Variants in SOX5 observed in about 807,000 individuals in gnomAD.
SOX5 encodes transcription factor SOX-5.
A neutral mutation model predicts 92.0 loss-of-function variants in SOX5; 9 were observed. That is an observed-to-expected ratio of 0.10 (90% CI 0.06 to 0.17). SOX5 has a LOEUF of 0.17. SOX5 is among the 10% of genes least tolerant of loss of function. The pLI, the probability that SOX5 is intolerant of heterozygous loss-of-function variation, is 1.00. For synonymous variants in SOX5, 344 were observed against 336.3 expected, an observed-to-expected ratio of 1.02 and a Z score of -0.25; for missense variants, 642 against 944.5, an observed-to-expected ratio of 0.68 and a Z score of 4.20.
At chr12:23,809,178 G>A (rs2095832800) in intron 3 of SOX5, among the ~76,000 whole-genome samples, 1 of 152,064 alleles carries the variant, frequency 6.6e-6, no homozygotes, top group African/African-American at 2.4e-5. Flanking sequence ...TATATGCACA[G>A]AACATCTCTG....
intron 2 of SOX5, among the ~76,000 whole-genome samples, chr12:24,351,191 A>G (rs908574268): frequency 2.0e-5 from 3 of 152,204 alleles, no homozygotes; most frequent in African/African-American, 7.2e-5. Context: ...TTTACATACC[A>G]TCTATCTACT....
At chr12:24,316,530 T>A (rs1235550033) in intron 2 of SOX5, among the ~76,000 whole-genome samples, 3 of 152,170 alleles carry the variant, frequency 2.0e-5, no homozygotes, top group African/African-American at 7.2e-5. Flanking sequence ...ATTGGAATTC[T>A]CTCTCTGGGC....
At chr12:24,120,999 C>T (rs1042833349) in intron 4 of SOX5, among the ~76,000 whole-genome samples, 27 of 152,212 alleles carry the variant, frequency 1.8e-4, no homozygotes, top group Middle Eastern at 3.4e-3. Flanking sequence ...TTATCCCTTC[C>T]GTGGGGTCTG....
chr12:23,979,911 G>GACAGACAGACAGACAGACAGACAGACA (rs1569372459), intron 4 of SOX5, among the ~76,000 whole-genome samples: 2 of 119,448 alleles, frequency 1.7e-5, no homozygotes, highest in African/African-American at 3.3e-5. Context: ...CTGGCTGGCT[G>GACAGACAGACAGACAGACAGACAGACA]GCCAGACAGA....
At chr12:23,897,894 T>G (rs1048571125) in intron 1 of SOX5, among the ~76,000 whole-genome samples, 1 of 152,182 alleles carries the variant, frequency 6.6e-6, no homozygotes, top group Non-Finnish European at 1.5e-5. Flanking sequence ...GGATACCACA[T>G]TTCAAGTAAT....
chr12:23,871,373 A>G (rs2096870526), intron 2 of SOX5, among the ~76,000 whole-genome samples: 1 of 152,214 alleles, frequency 6.6e-6, no homozygotes, highest in Non-Finnish European at 1.5e-5. Context: ...CAGTTGTTCA[A>G]TATCAATTCA....
chr12:23,653,623 C>A (rs755243060), intron 7 of SOX5, among the ~76,000 whole-genome samples: 15 of 152,044 alleles, frequency 9.9e-5, no homozygotes, highest in Non-Finnish European at 1.9e-4. Flanking sequence ...AGGGCACCAG[C>A]AAATTCTGGG....
chr12:23,968,502 C>A (rs1025761569), intron 4 of SOX5, among the ~76,000 whole-genome samples: 2 of 152,156 alleles, frequency 1.3e-5, no homozygotes, highest in African/African-American at 4.8e-5. Context: ...TTTGTTATCA[C>A]GGGAGTGGGT....
intron 1 of SOX5, among the ~76,000 whole-genome samples, chr12:24,539,705 C>A (rs892685314): frequency 2.0e-5 from 3 of 152,114 alleles, no homozygotes; most frequent in African/African-American, 7.2e-5. Flanking sequence ...CCTTAATTTC[C>A]TACATATTTA....
At chr12:23,820,614 A>G (rs535079924) in intron 3 of SOX5, among the ~76,000 whole-genome samples, 1 of 152,318 alleles carries the variant, frequency 6.6e-6, no homozygotes, top group South Asian at 2.1e-4. Flanking sequence ...AGTATAGGGA[A>G]GGGGTCCAAT....
Position 24,069,697 on chromosome 12 carries a change from T to G in SOX5, c.-2+143646A>C, listed in dbSNP as rs542995601. Among the ~76,000 whole-genome samples the G allele has an allele frequency of 7.2e-5, 11 of 152,330 alleles. No homozygotes were observed. The East Asian group carries it at 2.1e-3, about 29-fold the overall frequency. On this transcript the variant is annotated intron_variant, in intron 4 of 4. Coordinates refer to the SOX5 transcript ENST00000446891. ...CATTTTTGGCAGCAGGGAGAACTTC[T>G]AGCATCCTAATGCTTTTACAAGGCT...
chr12:24,264,667 A>G (rs972367427), intron 3 of SOX5, among the ~76,000 whole-genome samples: 2 of 152,124 alleles, frequency 1.3e-5, no homozygotes, highest in South Asian at 2.1e-4. Context: ...AAGTGTGGGG[A>G]AAAGGTGGAA....
Position 23,533,205 on chromosome 12 carries a change from A to G in SOX5, c.*1014T>C, listed in dbSNP as rs550149752. ...ATCCCCAGATGTGGGTTTAACTCAC[A>G]ATGGTCCAACGTTATTCCTATTATT... On this transcript the variant is annotated 3_prime_UTR_variant, in exon 15 of 15. Transcript: ENST00000451604. 20 of 456,502 alleles carry G rather than the reference A, an allele frequency of 4.4e-5. No individual in the cohort carries two copies. Among genetic ancestry groups the G allele is most frequent in the Admixed American group, 4.0e-4 (17 of 42,582 alleles). 28.3% of individuals were successfully genotyped at this position (456,502 alleles called of 1,614,324 possible). A position where few individuals can be genotyped will look rare whatever the true frequency, so the allele number is the denominator to read the frequency against.
intron 4 of SOX5, among the ~76,000 whole-genome samples, chr12:24,072,786 C>T (rs895930247): frequency 2.0e-5 from 3 of 152,146 alleles, no homozygotes; most frequent in Non-Finnish European, 4.4e-5. Flanking sequence ...AAAAATATCA[C>T]TTCATGGTAT....
At chr12:23,696,010 A>T (rs2089789896) in intron 6 of SOX5, among the ~76,000 whole-genome samples, 1 of 151,068 alleles carries the variant, frequency 6.6e-6, no homozygotes, top group African/African-American at 2.4e-5. Context: ...AAAATATGAC[A>T]TATTCATAAT....
chr12:24,093,522 CA>C (rs747562605), intron 4 of SOX5, among the ~76,000 whole-genome samples: 47 of 118,866 alleles, frequency 4.0e-4, no homozygotes, highest in South Asian at 5.4e-4. Context: ...GACTCCGTCT[CA>C]AAAAAAAAAA....
chr12:23,568,840 T>A (rs1230407995), intron 10 of SOX5, among the ~76,000 whole-genome samples: 1 of 151,562 alleles, frequency 6.6e-6, no homozygotes, highest in Non-Finnish European at 1.5e-5. Context: ...AGGCTTACAC[T>A]CTTTGAATTC....
At chr12:24,072,896 AT>A (rs902515750) in intron 4 of SOX5, among the ~76,000 whole-genome samples, 44 of 151,956 alleles carry the variant, frequency 2.9e-4, no homozygotes, top group African/African-American at 7.5e-4. Flanking sequence ...AACACATAAA[AT>A]TTTTTTTTAA....
chr12:23,559,668 C>T (rs1945844588), intron 11 of SOX5, among the ~76,000 whole-genome samples: 1 of 152,050 alleles, frequency 6.6e-6, no homozygotes, highest in East Asian at 1.9e-4. Context: ...ACGTGGCTGG[C>T]TATTTGAGAT....
Sources: gnomAD v4.1 joint callset for allele counts (sites outside exome capture counted in the v4.1 genomes callset) on GRCh38, gnomAD v4.1.1 for gene constraint, MANE v1.5 for transcripts, NCBI Gene and HGNC (gene_info 2026-07-23, HGNC 2026-07-21) for gene names.